The following ANO10 variants were observed in gnomAD, a reference collection of about 807,000 sequenced individuals.
The protein encoded by ANO10 is anoctamin-10.
ANO10 carries 77 observed loss-of-function variants against 74.7 expected under a neutral mutation model. The observed-to-expected ratio is 1.03, with a 90% CI of 0.86 to 1.25. The LOEUF is 1.25. Among genes scored for constraint, ANO10 ranks in the 50% most tolerant of loss-of-function variants. The pLI, the probability that ANO10 is intolerant of heterozygous loss-of-function variation, is 0.00. For synonymous variants in ANO10, 279 were observed against 284.9 expected (o/e 0.98, Z 0.21); for missense variants, 721 against 778.1 (o/e 0.93, Z 0.87).
intron 4 of ANO10, among the ~76,000 whole-genome samples, chr3:43,591,564 A>T (rs1023631597): frequency 6.6e-6 from 1 of 152,210 alleles, no homozygotes; most frequent in Non-Finnish European, 1.5e-5. Context: ...ATCCACCAGT[A>T]GCACCTGGAT....
chr3:43,372,065 G>A (rs541443821), intron 12 of ANO10, among the ~76,000 whole-genome samples: 2 of 152,234 alleles, frequency 1.3e-5, no homozygotes, highest in East Asian at 3.9e-4. Context: ...TCTGATTGTT[G>A]CTTCATTTTA....
At chr3:43,396,483 C>T (rs1189866519) in intron 12 of ANO10, among the ~76,000 whole-genome samples, 10 of 151,636 alleles carry the variant, frequency 6.6e-5, no homozygotes, top group South Asian at 4.2e-4. Context: ...GGACTACAGG[C>T]GCCTGCCACC....
chr3:43,625,879 C>A (rs914520734), upstream of ANO10, among the ~76,000 whole-genome samples: 1 of 151,494 alleles, frequency 6.6e-6, no homozygotes, highest in Admixed American at 6.6e-5. Context: ...TCTTTTACTA[C>A]GTACTACTTC....
At chr3:43,454,799 G>C (rs1170748164) in intron 11 of ANO10, among the ~76,000 whole-genome samples, 1 of 152,088 alleles carries the variant, frequency 6.6e-6, no homozygotes, top group Non-Finnish European at 1.5e-5. Context: ...AGAAGAACTG[G>C]AGACAGTAAG....
At chr3:43,394,163 T>A (rs2092332736) in intron 12 of ANO10, among the ~76,000 whole-genome samples, 2 of 152,090 alleles carry the variant, frequency 1.3e-5, no homozygotes, top group African/African-American at 4.8e-5. Flanking sequence ...TGAGACAACA[T>A]CCTTCCTGTT....
intron 12 of ANO10, among the ~76,000 whole-genome samples, chr3:43,405,719 C>T (rs979345442): frequency 2.0e-5 from 3 of 152,168 alleles, no homozygotes; most frequent in African/African-American, 7.2e-5. Flanking sequence ...AGTGATCTAC[C>T]CACCTCAGTC....
At chr3:43,485,155 T>G in intron 11 of ANO10, 1 of 759,244 alleles carries the variant, frequency 1.3e-6, no homozygotes, top group Non-Finnish European at 2.3e-6. Context: ...GAGTGGGCCC[T>G]GGCGCGGTAG....
chr3:43,373,970 TG>T (rs1179081396), intron 12 of ANO10, among the ~76,000 whole-genome samples: 8 of 152,218 alleles, frequency 5.3e-5, no homozygotes, highest in Admixed American at 1.3e-4. Context: ...CAGTGGACAC[TG>T]ATATTTTCTC....
chr3:43,378,060 G>A (rs190301173), intron 12 of ANO10, among the ~76,000 whole-genome samples: 33 of 152,306 alleles, frequency 2.2e-4, no homozygotes, highest in Admixed American at 2.1e-3. Context: ...AGTTTAGAAA[G>A]TTAAAGGATG....
chr3:43,586,255 G>A (rs2081476326), intron 4 of ANO10, among the ~76,000 whole-genome samples: 1 of 152,084 alleles, frequency 6.6e-6, no homozygotes, highest in South Asian at 2.1e-4. Context: ...TTGGAAGAGT[G>A]ACCTGCTGGG....
chr3:43,370,247 C>G (rs1319062676), intron 12 of ANO10, among the ~76,000 whole-genome samples: 1 of 152,220 alleles, frequency 6.6e-6, no homozygotes, highest in Non-Finnish European at 1.5e-5. Flanking sequence ...GAAGAACAGT[C>G]AGTCTCATGG....
At chr3:43,442,103 T>C (rs1281501062) in intron 11 of ANO10, among the ~76,000 whole-genome samples, 2 of 152,052 alleles carry the variant, frequency 1.3e-5, no homozygotes, top group Non-Finnish European at 2.9e-5. Context: ...TGGCGAGGAA[T>C]GCTTAGTCTT....
At chr3:43,373,470 G>T (rs1325864040) in intron 12 of ANO10, among the ~76,000 whole-genome samples, 1 of 152,150 alleles carries the variant, frequency 6.6e-6, no homozygotes, top group Non-Finnish European at 1.5e-5. Context: ...TGAGCTAACC[G>T]TGGGGTGGGT....
intron 4 of ANO10, among the ~76,000 whole-genome samples, chr3:43,582,152 T>C (rs926771967): frequency 2.4e-4 from 36 of 152,088 alleles, no homozygotes; most frequent in African/African-American, 8.4e-4. Flanking sequence ...CAGTGTGGAA[T>C]AGAAACACAA....
chr3:43,401,054 C>T (rs2148869629), intron 12 of ANO10, among the ~76,000 whole-genome samples: 1 of 152,288 alleles, frequency 6.6e-6, no homozygotes, highest in South Asian at 2.1e-4. Context: ...TTTCCAGTAT[C>T]TAGTCAGTAC....
intron 11 of ANO10, among the ~76,000 whole-genome samples, chr3:43,457,025 A>G (rs1210262172): frequency 3.3e-5 from 5 of 152,368 alleles, no homozygotes; most frequent in African/African-American, 9.6e-5. Context: ...ATTTCAATTT[A>G]TGAATGGTAT....
intron 11 of ANO10, among the ~76,000 whole-genome samples, chr3:43,529,761 T>C (rs925796522): frequency 6.6e-6 from 1 of 152,038 alleles, no homozygotes; most frequent in African/African-American, 2.4e-5. Flanking sequence ...AGTAGAAATC[T>C]AAGTAAAAAC....
chr3:43,377,012 A>G (rs1255335550), intron 12 of ANO10, among the ~76,000 whole-genome samples: 1 of 152,240 alleles, frequency 6.6e-6, no homozygotes, highest in Non-Finnish European at 1.5e-5. Context: ...GATGACCAAG[A>G]GCATCTGGTC....
chr3:43,458,307 GAC>G (rs1206175337), intron 11 of ANO10, among the ~76,000 whole-genome samples: 1 of 152,104 alleles, frequency 6.6e-6, no homozygotes, highest in Non-Finnish European at 1.5e-5. Flanking sequence ...CTTAAAGACA[GAC>G]ACACTTTATA....
Sources: allele counts gnomAD v4.1 joint callset (sites outside exome capture counted in the v4.1 genomes callset), GRCh38; gene constraint gnomAD v4.1.1; transcripts MANE v1.5; gene names NCBI Gene and HGNC (gene_info 2026-07-23, HGNC 2026-07-21).